AGO2: variants seen among roughly 807,000 people sequenced by gnomAD.
The protein encoded by AGO2 is argonaute RISC catalytic component 2, also known as protein argonaute-2.
A neutral mutation model predicts 102.3 loss-of-function variants in AGO2; 5 were observed. The ratio of observed to expected loss-of-function variants is 0.05; its 90% CI spans 0.03 to 0.10. The LOEUF (loss-of-function observed/expected upper bound fraction) is 0.10. Ranked by LOEUF, AGO2 falls within the 10% of genes least tolerant of loss-of-function variation. The pLI is 1.00. For missense variants in AGO2, 541 were observed against 1,183.7 expected (o/e 0.46, Z 7.97); for synonymous variants, 449 against 473.1 (o/e 0.95, Z 0.66).
chr8:140,611,769 G>A (rs980941571), intron 1 of AGO2, among the ~76,000 whole-genome samples: 8 of 152,116 alleles, frequency 5.3e-5, no homozygotes, highest in East Asian at 1.9e-4. Context: ...GTAGGGTGCC[G>A]GGCAGATGTC....
chr8:140,542,890 GCA>G lies in AGO2; in HGVS notation c.1839+1321_1839+1322del, dbSNP rs200969972. Among the ~76,000 whole-genome samples the G allele has an allele frequency of 3.6e-3, 542 of 152,342 alleles. 25 individuals are homozygous for G. In the East Asian group the frequency reaches 0.092, roughly 26 times the overall value. ...GCAGTGGCTCACGCCTGTCATCCCA[GCA>G]CTTTGGGAGGTTGAAGCAGGTGGAT... On this transcript the variant is annotated intron_variant, in intron 14 of 18. Coordinates refer to ENST00000220592, the MANE Select transcript of AGO2 (RefSeq NM_012154.5).
upstream of AGO2, chr8:140,636,276 TAAG>T (rs1420425138): frequency 1.3e-5 from 2 of 152,328 alleles, no homozygotes; most frequent in East Asian, 1.9e-4. Flanking sequence ...TGAGAAAATC[TAAG>T]AAGTTTTTAG....
At chr8:140,620,116 G>A (rs1307874784) in intron 1 of AGO2, among the ~76,000 whole-genome samples, 8 of 152,162 alleles carry the variant, frequency 5.3e-5, no homozygotes, top group East Asian at 3.9e-4. Context: ...GAAAAGATGC[G>A]GGGCTACCTG....
At chr8:140,613,435 C>A (rs2074105682) in intron 1 of AGO2, among the ~76,000 whole-genome samples, 1 of 152,102 alleles carries the variant, frequency 6.6e-6, no homozygotes, top group Non-Finnish European at 1.5e-5. Flanking sequence ...TTTTTAAACT[C>A]CTGTTTTAAT....
chr8:140,601,523 G>T (rs1315022903), intron 1 of AGO2, among the ~76,000 whole-genome samples: 2 of 152,228 alleles, frequency 1.3e-5, no homozygotes, highest in African/African-American at 4.8e-5. Context: ...CTAGGCTGAT[G>T]GATGTGAACC....
intron 1 of AGO2, among the ~76,000 whole-genome samples, chr8:140,627,759 G>A (rs1307708043): frequency 6.6e-6 from 1 of 152,216 alleles, no homozygotes; most frequent in Non-Finnish European, 1.5e-5. Flanking sequence ...GACTAGCTGT[G>A]TTCACAGCAA....
intron 10 of AGO2, among the ~76,000 whole-genome samples, chr8:140,552,746 ACACACACACACAC>A (rs2073023956): frequency 4.5e-5 from 1 of 22,070 alleles, no homozygotes; most frequent in African/African-American, 5.0e-4. Flanking sequence ...GCGCGCACAC[ACACACACACACAC>A]ACACACACAC....
intron 10 of AGO2, among the ~76,000 whole-genome samples, chr8:140,552,152 CCCT>C (rs1296410095): frequency 6.6e-6 from 1 of 152,224 alleles, no homozygotes; most frequent in Non-Finnish European, 1.5e-5. Context: ...CCCTCATTTC[CCCT>C]CCTCTATCAC....
Position 140,557,544 on chromosome 8 carries a change from T to C in AGO2, c.879-308A>G, listed in dbSNP as rs556512120. Among the ~76,000 whole-genome samples, 7 of 152,312 alleles carry C rather than the reference T, an allele frequency of 4.6e-5. No homozygotes were observed. The South Asian group carries it at 1.5e-3, about 32-fold the overall frequency. On this transcript the variant is annotated intron_variant, in intron 7 of 18. Coordinates refer to ENST00000220592, the MANE Select transcript of AGO2 (RefSeq NM_012154.5). This position sits in a 1 kb window ranked among gnomAD's most constrained non-coding sequence, Gnocchi z 5.9. ...GGGCACGACCAGAAAGGCCTGCGCGTCTTCCAGCAGACCGTGGTGACCCTG... is the reference window on the plus strand; with the variant it reads ...GGGCACGACCAGAAAGGCCTGCGCGCCTTCCAGCAGACCGTGGTGACCCTG...
At chr8:140,601,605 GC>G (rs2073934482) in intron 1 of AGO2, among the ~76,000 whole-genome samples, 1 of 152,198 alleles carries the variant, frequency 6.6e-6, no homozygotes, top group South Asian at 2.1e-4. Flanking sequence ...TGGGCTGTCT[GC>G]CCCAGCCTGG....
chr8:140,625,244 T>C (rs1310628159), intron 1 of AGO2, among the ~76,000 whole-genome samples: 2 of 152,202 alleles, frequency 1.3e-5, no homozygotes, highest in Non-Finnish European at 2.9e-5. Context: ...TAGCTGGAAT[T>C]ACAGGCGCCT....
At chr8:140,631,279 C>T (rs1331352846) in intron 1 of AGO2, among the ~76,000 whole-genome samples, 5 of 152,104 alleles carry the variant, frequency 3.3e-5, no homozygotes, top group East Asian at 1.9e-4. Flanking sequence ...TGGTGGCTCA[C>T]GCCTATAATC....
At chr8:140,595,324 A>G (rs949639252) in intron 1 of AGO2, among the ~76,000 whole-genome samples, 2 of 152,172 alleles carry the variant, frequency 1.3e-5, no homozygotes, top group African/African-American at 4.8e-5. Flanking sequence ...TTATGCACAC[A>G]TACACATTTG....
At chr8:140,606,694 T>C (rs1208497539) in intron 1 of AGO2, among the ~76,000 whole-genome samples, 1 of 152,188 alleles carries the variant, frequency 6.6e-6, no homozygotes, top group Admixed American at 6.5e-5. Context: ...CCCAACACTT[T>C]GGGAGGCCGA....
At chr8:140,558,618 T>C in intron 6 of AGO2, 46 bp from the exon 7 acceptor site, 1 of 1,589,034 alleles carries the variant, frequency 6.3e-7, no homozygotes, top group East Asian at 2.2e-5. Flanking sequence ...TGTCCCGACC[T>C]GAGTGCAGGC....
intron 11 of AGO2, 131 bp from the exon 12 acceptor site, chr8:140,549,429 TA>T: frequency 1.1e-6 from 1 of 893,356 alleles, no homozygotes; most frequent in Non-Finnish European, 1.7e-6. Flanking sequence ...AAATTGTTCT[TA>T]AAGTCCTGAA....
chr8:140,560,225 G>T, intron 5 of AGO2, 149 bp downstream of exon 5: 2 of 1,229,768 alleles, frequency 1.6e-6, no homozygotes, highest in Non-Finnish European at 2.2e-6. Context: ...CAACACTGCA[G>T]GTGAGACCAG....
intron 1 of AGO2, among the ~76,000 whole-genome samples, chr8:140,633,462 C>G (rs777232819): frequency 5.3e-5 from 8 of 152,156 alleles, no homozygotes; most frequent in Non-Finnish European, 1.2e-4. Flanking sequence ...CTACCAGGCC[C>G]ACACCAAGGC....
chr8:140,539,611 A>G lies in AGO2; in HGVS notation c.2035-157T>C, dbSNP rs1469533439. Among the ~76,000 whole-genome samples the G allele has an allele frequency of 2.0e-5, 3 of 152,208 alleles. No individual in the cohort carries two copies. Among genetic ancestry groups the G allele is most frequent in the Admixed American group, 6.5e-5 (1 of 15,284 alleles). ...AGGTGAAAACACGGGGGCAGAAACC[A>G]TCCTCTCTGCAGGGAGGACTGGATG... On this transcript the variant is annotated intron_variant, in intron 15 of 18. Transcript: ENST00000220592. This position sits in a 1 kb window ranked among gnomAD's most constrained non-coding sequence, Gnocchi z 4.7.
Sources: allele counts gnomAD v4.1 joint callset (sites outside exome capture counted in the v4.1 genomes callset), GRCh38; gene constraint gnomAD v4.1.1; non-coding constraint Gnocchi (gnomAD v3.1); transcripts MANE v1.5; gene names NCBI Gene and HGNC (gene_info 2026-07-23, HGNC 2026-07-21).